Variants in STRBP observed in about 807,000 individuals in gnomAD.
STRBP encodes spermatid perinuclear RNA binding protein, also known as spermatid perinuclear RNA-binding protein.
Under a neutral mutation model 80.1 loss-of-function variants are expected in STRBP, and 13 were observed. The ratio of observed to expected loss-of-function variants is 0.16; its 90% confidence interval spans 0.11 to 0.26. STRBP has a LOEUF of 0.26. Ranked by LOEUF, STRBP falls within the 10% of genes least tolerant of loss-of-function variation. The pLI, the probability that STRBP is intolerant of heterozygous loss-of-function variation, is 1.00. For synonymous variants in STRBP, 284 were observed against 291.2 expected, an observed-to-expected ratio of 0.98 and a Z score of 0.25; for missense variants, 485 against 815.2, an observed-to-expected ratio of 0.59 and a Z score of 4.93.
intron 12 of STRBP, 138 bp downstream of exon 12, chr9:123,147,640 T>C: frequency 1.5e-6 from 1 of 652,884 alleles, no homozygotes; most frequent in Non-Finnish European, 2.4e-6. Flanking sequence ...ATCGCGCCAC[T>C]GCACTCCAGT....
At chr9:123,192,220 G>A (rs1286155101) in intron 2 of STRBP, among the ~76,000 whole-genome samples, 1 of 152,160 alleles carries the variant, frequency 6.6e-6, no homozygotes, top group Non-Finnish European at 1.5e-5. Flanking sequence ...GTGTTCAGCA[G>A]AGAGGTCTGG....
At position 123,110,778 on chromosome 9, in the gene STRBP, C is replaced by T. The variant is rs2132271462; in HGVS notation, c.*85-1025G>A. The T allele has an allele frequency of 5.9e-6, 1 of 169,258 alleles. No individual in the cohort carries two copies. 10.5% of individuals were successfully genotyped at this position (169,258 alleles called of 1,614,324 possible). A position where few individuals can be genotyped will look rare whatever the true frequency, so the allele number is the denominator to read the frequency against. ...GTCGGAGGCCTACAATTTGGCTCCC[C>T]AGTAACATTTCTAAAAATGAGCCCT... On this transcript the variant is annotated intron_variant and NMD_transcript_variant, in intron 3 of 3. Transcript: ENST00000471564. The surrounding 1 kb of genome is among the most constrained non-coding windows in gnomAD (Gnocchi z 4.1).
Position 123,115,514 on chromosome 9 carries a change from AT to A in STRBP, c.*84+414del, listed in dbSNP as rs1353545881. 13 of 382,392 alleles carry A rather than the reference AT, an allele frequency of 3.4e-5. No homozygotes were observed. Among genetic ancestry groups the A allele is most frequent in the Admixed American group, 1.4e-4 (4 of 29,212 alleles). 23.7% of individuals were successfully genotyped at this position (382,392 alleles called of 1,614,324 possible). A position where few individuals can be genotyped will look rare whatever the true frequency, so the allele number is the denominator to read the frequency against. ...CTCCCTGTACTCTCCATCTGGGTCA[AT>A]GATTTCACCTTCTACTCAGTTGTCT... On this transcript the variant is annotated intron_variant and NMD_transcript_variant, in intron 3 of 3. Coordinates refer to the STRBP transcript ENST00000471564. The surrounding 1 kb of genome is among the most constrained non-coding windows in gnomAD (Gnocchi z 5.0).
At chr9:123,137,821 C>T (rs944161821) in intron 14 of STRBP, among the ~76,000 whole-genome samples, 11 of 152,146 alleles carry the variant, frequency 7.2e-5, no homozygotes, top group Non-Finnish European at 1.6e-4. Context: ...CATCAAAGGA[C>T]AATTTTTAAG....
intron 1 of STRBP, among the ~76,000 whole-genome samples, chr9:123,256,626 AATT>A (rs1418129846): frequency 6.6e-6 from 1 of 152,212 alleles, no homozygotes; most frequent in African/African-American, 2.4e-5. Flanking sequence ...ATGACTACTT[AATT>A]ATTCCAGTTC....
chr9:123,254,978 C>T (rs2040998511), intron 1 of STRBP, among the ~76,000 whole-genome samples: 4 of 152,174 alleles, frequency 2.6e-5, no homozygotes, highest in Admixed American at 2.6e-4. Flanking sequence ...CTTTTTTCAA[C>T]TATTAAAAAA....
rs1324874484 is a variant in STRBP, at chr9:123,123,003, T to C, written c.*2594A>G. Reference sequence around the variant, plus strand: ...TTCTTTAAAATGATCAGTCATTGCTTTCAAAAAGAGGGTGTCAGAGTGGAG... The same window carrying C: ...TTCTTTAAAATGATCAGTCATTGCTCTCAAAAAGAGGGTGTCAGAGTGGAG... On this transcript the variant is annotated 3_prime_UTR_variant, in exon 19 of 19. Coordinates refer to ENST00000348403, the MANE Select transcript of STRBP (RefSeq NM_018387.5). The C allele has an allele frequency of 2.0e-6, 2 of 985,294 alleles. No individual in the cohort carries two copies. The highest frequency in any genetic ancestry group is 2.4e-6 in the Non-Finnish European group (2 of 829,926). 61.0% of individuals were successfully genotyped at this position (985,294 alleles called of 1,614,324 possible). A position where few individuals can be genotyped will look rare whatever the true frequency, so the allele number is the denominator to read the frequency against.
chr9:123,240,332 C>T (rs2132604484), intron 1 of STRBP, among the ~76,000 whole-genome samples: 1 of 152,122 alleles, frequency 6.6e-6, no homozygotes, highest in Admixed American at 6.5e-5. Context: ...ATTGTCTGCC[C>T]ACCACACCGA....
At chr9:123,234,963 T>A (rs372219447) in intron 2 of STRBP, among the ~76,000 whole-genome samples, 22 of 137,378 alleles carry the variant, frequency 1.6e-4, no homozygotes, top group Admixed American at 1.2e-3. Context: ...TTTAAAAAAA[T>A]TTTTTTTGTA....
At chr9:123,139,448 T>C (rs1306836278) in intron 14 of STRBP, 81 bp downstream of exon 14, 11 of 1,182,376 alleles carry the variant, frequency 9.3e-6, no homozygotes, top group Non-Finnish European at 1.2e-5. Flanking sequence ...CTTTTGATTT[T>C]ATTTATACTT....
chr9:123,173,719 G>A lies in STRBP; in HGVS notation c.348C>T (p.Thr116=). ...GATTATCTTTGACTGTATTTAACAG[G>A]GTCTCTGTGGGTTTGTCTTTGCACA... is the stretch of plus-strand genomic sequence containing the variant. ...VLMCKDKPTE[T]LLNTVKDNLP... Residue 116 remains threonine (T), a synonymous_variant, in exon 5 of 19, where the codon ACC becomes ACT. Transcript: ENST00000348403. 1 of 1,613,446 alleles carries A rather than the reference G, an allele frequency of 6.2e-7. No homozygotes were observed. The highest frequency in any genetic ancestry group is 8.5e-7 in the Non-Finnish European group (1 of 1,179,744).
At chr9:123,239,489 G>A (rs2040647553) in intron 1 of STRBP, among the ~76,000 whole-genome samples, 1 of 152,104 alleles carries the variant, frequency 6.6e-6, no homozygotes, top group South Asian at 2.1e-4. Context: ...CTGTCCCAAT[G>A]ACAAGCCTAC....
intron 3 of STRBP, chr9:123,113,982 G>T (rs1165600842): frequency 6.0e-6 from 1 of 167,140 alleles, no homozygotes; most frequent in Non-Finnish European, 1.5e-5. Context: ...TTACAGAAAG[G>T]ATTTGTGGAC....
chr9:123,243,386 T>C (rs2040738848), intron 1 of STRBP, among the ~76,000 whole-genome samples: 1 of 152,126 alleles, frequency 6.6e-6, no homozygotes, highest in African/African-American at 2.4e-5. Flanking sequence ...AAACACACTT[T>C]TAGGAAAAAA....
chr9:123,169,777 G>T (rs1048707413), intron 6 of STRBP, 125 bp downstream of exon 6: 4 of 520,366 alleles, frequency 7.7e-6, no homozygotes, highest in African/African-American at 4.0e-5. Flanking sequence ...AAATAGAGTG[G>T]CATAAAACAA....
intron 2 of STRBP, among the ~76,000 whole-genome samples, chr9:123,208,198 C>T (rs2039589302): frequency 6.6e-6 from 1 of 151,066 alleles, no homozygotes; most frequent in African/African-American, 2.4e-5. Context: ...TCAAAGTATT[C>T]GAGGGTGCTG....
Position 123,136,101 on chromosome 9 carries a change from C to T in STRBP, c.1713G>A (p.Leu571=). ...VAKASAALAA[L]EKLFSGPNAA... Reference sequence around the variant, plus strand: ...CATTGGGTCCAGAAAACAGTTTCTCCAAGGCAGCTAAAGCTGCACTCGCCT... The same window carrying T: ...CATTGGGTCCAGAAAACAGTTTCTCTAAGGCAGCTAAAGCTGCACTCGCCT... Residue 571 remains leucine, a synonymous_variant, in exon 16 of 19, where the codon TTG becomes TTA. Transcript: ENST00000348403. The surrounding 1 kb of genome is among the most constrained non-coding windows in gnomAD (Gnocchi z 4.2). 1 of 1,614,184 alleles carries T rather than the reference C, an allele frequency of 6.2e-7. No individual in the cohort carries two copies. Among genetic ancestry groups the T allele is most frequent in the East Asian group, 2.2e-5 (1 of 44,882 alleles).
chr9:123,137,561 C>T (rs902995889), intron 14 of STRBP, among the ~76,000 whole-genome samples: 1 of 152,088 alleles, frequency 6.6e-6, no homozygotes, highest in African/African-American at 2.4e-5. Context: ...GCACCTGCCA[C>T]CACACCCGGC....
chr9:123,125,707 A>C (rs777581910), intron 18 of STRBP, 34 bp from the exon 19 acceptor site: 4 of 1,527,198 alleles, frequency 2.6e-6, no homozygotes, highest in Non-Finnish European at 3.6e-6. Flanking sequence ...GACTCCAAAT[A>C]AGTTTTAATA....
Sources: gnomAD v4.1 joint callset for allele counts (sites outside exome capture counted in the v4.1 genomes callset) on GRCh38, gnomAD v4.1.1 for gene constraint, Gnocchi (gnomAD v3.1) non-coding constraint, MANE v1.5 for transcripts, NCBI Gene and HGNC (gene_info 2026-07-23, HGNC 2026-07-21) for gene names.